The following SLC9A9 variants were observed in gnomAD, a reference collection of about 807,000 sequenced individuals.
SLC9A9 encodes the protein sodium/hydrogen exchanger 9.
Under a neutral mutation model 77.8 loss-of-function variants are expected in SLC9A9, and 62 were observed. The observed-to-expected ratio is 0.80, with a 90% CI of 0.65 to 0.98. The LOEUF is 0.98. Ranked by LOEUF, SLC9A9 falls within the 50% of genes least tolerant of loss-of-function variation. SLC9A9 has a pLI of 0.00. For missense variants in SLC9A9, 775 were observed against 774.9 expected, an observed-to-expected ratio of 1.00 and a Z score of 0.00; for synonymous variants, 320 against 283.5, an observed-to-expected ratio of 1.13 and a Z score of -1.29.
chr3:143,429,970 T>C (rs369993608), intron 12 of SLC9A9, among the ~76,000 whole-genome samples: 1 of 152,312 alleles, frequency 6.6e-6, no homozygotes, highest in Non-Finnish European at 1.5e-5. Context: ...ACTGATTCAC[T>C]GGATCATGAA....
chr3:143,776,717 A>G (rs1185200020), intron 4 of SLC9A9, among the ~76,000 whole-genome samples: 1 of 152,226 alleles, frequency 6.6e-6, no homozygotes, highest in African/African-American at 2.4e-5. Flanking sequence ...AGGAAACTCT[A>G]TAAAGGCAGG....
intron 13 of SLC9A9, among the ~76,000 whole-genome samples, chr3:143,380,927 G>GAATACA (rs1392436433): frequency 6.6e-6 from 1 of 152,150 alleles, no homozygotes; most frequent in African/African-American, 2.4e-5. Flanking sequence ...GATTCCCTTA[G>GAATACA]AATACAAATA....
chr3:143,736,298 C>G (rs1934940172), intron 4 of SLC9A9, among the ~76,000 whole-genome samples: 1 of 152,124 alleles, frequency 6.6e-6, no homozygotes, highest in South Asian at 2.1e-4. Context: ...TTGTTTATTT[C>G]TCTTCTAGAA....
At chr3:143,394,039 C>G (rs2033636929) in intron 12 of SLC9A9, among the ~76,000 whole-genome samples, 1 of 152,114 alleles carries the variant, frequency 6.6e-6, no homozygotes, top group South Asian at 2.1e-4. Flanking sequence ...GGAGCTGGTA[C>G]CATTCCTTCT....
At chr3:143,357,315 G>A (rs983606283) in intron 14 of SLC9A9, among the ~76,000 whole-genome samples, 15 of 152,090 alleles carry the variant, frequency 9.9e-5, no homozygotes, top group Non-Finnish European at 7.4e-5. Context: ...GATTTCAAAG[G>A]ACTTCGCGAC....
At chr3:143,757,128 A>G (rs1047109111) in intron 4 of SLC9A9, among the ~76,000 whole-genome samples, 4 of 152,158 alleles carry the variant, frequency 2.6e-5, no homozygotes. Context: ...AAACTATGGT[A>G]GAGATGATCC....
At chr3:143,776,323 T>C (rs1257387865) in intron 4 of SLC9A9, among the ~76,000 whole-genome samples, 1 of 152,182 alleles carries the variant, frequency 6.6e-6, no homozygotes, top group Non-Finnish European at 1.5e-5. Flanking sequence ...GATAGAATTT[T>C]TCCTTCATCT....
chr3:143,663,498 T>C (rs977099356), intron 5 of SLC9A9, among the ~76,000 whole-genome samples: 22 of 152,178 alleles, frequency 1.4e-4, no homozygotes, highest in African/African-American at 5.1e-4. Context: ...CTTCAGAAGA[T>C]TGGTAATAAC....
chr3:143,316,318 C>T (rs894151852), intron 14 of SLC9A9, among the ~76,000 whole-genome samples: 5 of 152,146 alleles, frequency 3.3e-5, no homozygotes, highest in Admixed American at 6.5e-5. Context: ...AGTGTAATTA[C>T]GGCATAATCT....
intron 7 of SLC9A9, 40 bp downstream of exon 7, chr3:143,578,545 T>A (rs1371876292): frequency 6.2e-7 from 1 of 1,613,456 alleles, no homozygotes. Flanking sequence ...TACTGACTGT[T>A]CTTGACAGTC....
At chr3:143,578,537 C>T (rs757652300) in intron 7 of SLC9A9, 48 bp downstream of exon 7, 17 of 1,613,096 alleles carry the variant, frequency 1.1e-5, no homozygotes, top group Non-Finnish European at 1.4e-5. Flanking sequence ...TCCATGGATA[C>T]TGACTGTTCT....
At chr3:143,320,777 C>T (rs1272370571) in intron 14 of SLC9A9, among the ~76,000 whole-genome samples, 2 of 152,144 alleles carry the variant, frequency 1.3e-5, no homozygotes, top group Non-Finnish European at 2.9e-5. Context: ...AAGCCTTAAC[C>T]CCTAATACCT....
intron 14 of SLC9A9, among the ~76,000 whole-genome samples, chr3:143,308,530 C>A (rs937089431): frequency 4.0e-5 from 6 of 151,602 alleles, no homozygotes; most frequent in Non-Finnish European, 7.4e-5. Flanking sequence ...GAGCCGAGAT[C>A]GCACCACTGC....
At chr3:143,459,098 T>C (rs2035144302) in intron 12 of SLC9A9, among the ~76,000 whole-genome samples, 1 of 149,416 alleles carries the variant, frequency 6.7e-6, no homozygotes, top group Non-Finnish European at 1.5e-5. Context: ...TTTATTTATG[T>C]ATCTTCTATT....
rs368046406 is a variant in SLC9A9, at chr3:143,493,812, T to C, written c.1204-48A>G. On this transcript the variant is annotated intron_variant, in intron 10 of 15. Coordinates refer to ENST00000316549, the MANE Select transcript of SLC9A9 (RefSeq NM_173653.4). ...ATTGAGGAAAGTGTTGCTGCAATGATGGTTTGAATCCTTGAGCTTAAATAT... is the reference window on the plus strand; with the variant it reads ...ATTGAGGAAAGTGTTGCTGCAATGACGGTTTGAATCCTTGAGCTTAAATAT... 9.4e-5 allele frequency: 128 copies of C among 1,367,068 alleles called. No individual in the cohort carries two copies. The African/African-American group carries it at 1.5e-3, about 16-fold the overall frequency. 84.7% of individuals were successfully genotyped at this position (1,367,068 alleles called of 1,614,324 possible). A position where few individuals can be genotyped will look rare whatever the true frequency, so the allele number is the denominator to read the frequency against.
At chr3:143,419,301 G>A (rs909495657) in intron 12 of SLC9A9, among the ~76,000 whole-genome samples, 7 of 152,112 alleles carry the variant, frequency 4.6e-5, no homozygotes, top group African/African-American at 1.7e-4. Context: ...CATTTTGCAG[G>A]GGGGGCACAG....
At chr3:143,656,911 T>A (rs1009454894) in intron 5 of SLC9A9, among the ~76,000 whole-genome samples, 4 of 152,212 alleles carry the variant, frequency 2.6e-5, no homozygotes, top group African/African-American at 9.6e-5. Context: ...AAAAAATGAT[T>A]ATTGTGAAAA....
chr3:143,364,132 C>A (rs182451358), intron 13 of SLC9A9, among the ~76,000 whole-genome samples: 73 of 151,328 alleles, frequency 4.8e-4, no homozygotes, highest in Non-Finnish European at 8.7e-4. Context: ...CCCACAAGGG[C>A]CATAAAGGGT....
intron 15 of SLC9A9, 21 bp from the exon 16 acceptor site, chr3:143,266,950 A>G (rs1291476793): frequency 1.9e-6 from 3 of 1,609,280 alleles, no homozygotes; most frequent in Non-Finnish European, 1.7e-6. Flanking sequence ...AAAGAGAGAG[A>G]GGTGTCACTT....
Sources: allele counts gnomAD v4.1 joint callset (sites outside exome capture counted in the v4.1 genomes callset), GRCh38; gene constraint gnomAD v4.1.1; transcripts MANE v1.5; gene names NCBI Gene and HGNC (gene_info 2026-07-23, HGNC 2026-07-21).